TNR: variants seen among roughly 807,000 people sequenced by gnomAD.
The protein encoded by TNR is tenascin-R.
In TNR, 45 loss-of-function variants were observed where a neutral mutation model predicts 150.4. The observed-to-expected ratio is 0.30, with a 90% CI of 0.24 to 0.38. The LOEUF (loss-of-function observed/expected upper bound fraction) is 0.38. TNR is among the 10% of genes least tolerant of loss of function. The pLI is 1.00. For synonymous variants in TNR, 687 were observed against 678.4 expected, an observed-to-expected ratio of 1.01 and a Z score of -0.20; for missense variants, 1,544 against 1,759.1, an observed-to-expected ratio of 0.88 and a Z score of 2.19.
chr1:175,502,173 G>A (rs1483598769), intron 2 of TNR, among the ~76,000 whole-genome samples: 2 of 152,132 alleles, frequency 1.3e-5, no homozygotes, highest in East Asian at 1.9e-4. Context: ...TGTCTGGGGT[G>A]GGAGTCTAAC....
intron 1 of TNR, among the ~76,000 whole-genome samples, chr1:175,717,988 C>A (rs1405729140): frequency 6.6e-6 from 1 of 152,246 alleles, no homozygotes; most frequent in African/African-American, 2.4e-5. Context: ...TTGTGGTCTG[C>A]AGCTCTTAGT....
chr1:175,567,767 C>G (rs564699588), intron 1 of TNR, among the ~76,000 whole-genome samples: 18 of 152,146 alleles, frequency 1.2e-4, no homozygotes, highest in Non-Finnish European at 2.6e-4. Flanking sequence ...GCTTTCTAAG[C>G]ATGGCCCTCC....
intron 1 of TNR, among the ~76,000 whole-genome samples, chr1:175,642,928 C>G (rs1191830655): frequency 6.6e-6 from 1 of 152,104 alleles, no homozygotes; most frequent in African/African-American, 2.4e-5. Context: ...AACATCCTAT[C>G]TCTAAAACCA....
chr1:175,544,650 A>C (rs888960660), intron 1 of TNR, among the ~76,000 whole-genome samples: 7 of 152,228 alleles, frequency 4.6e-5, no homozygotes, highest in Admixed American at 2.6e-4. Flanking sequence ...ATGAGTACTC[A>C]AAGAATGGAT....
chr1:175,324,683 C>A (rs1649265983), intron 21 of TNR, among the ~76,000 whole-genome samples, 164 bp from the exon 22 acceptor site: 2 of 152,292 alleles, frequency 1.3e-5, no homozygotes, highest in South Asian at 4.1e-4. Context: ...CTCCACCTTA[C>A]CCCTGGGGCC....
chr1:175,460,488 C>T (rs1057390999), intron 2 of TNR, among the ~76,000 whole-genome samples: 6 of 151,970 alleles, frequency 3.9e-5, no homozygotes, highest in South Asian at 4.2e-4. Flanking sequence ...GGATGAACAC[C>T]GGACTCATGC....
intron 1 of TNR, among the ~76,000 whole-genome samples, chr1:175,720,620 AT>A (rs1163946289): frequency 6.6e-6 from 1 of 152,224 alleles, no homozygotes; most frequent in Non-Finnish European, 1.5e-5. Flanking sequence ...AAAAGGCATA[AT>A]GAGATAAGCA....
chr1:175,562,661 C>T (rs1661477649), intron 1 of TNR, among the ~76,000 whole-genome samples: 1 of 152,186 alleles, frequency 6.6e-6, no homozygotes, highest in Admixed American at 6.5e-5. Flanking sequence ...TGTGGTAGAA[C>T]AGCATGGCCA....
intron 1 of TNR, among the ~76,000 whole-genome samples, chr1:175,653,990 A>G (rs1665095581): frequency 6.6e-6 from 1 of 152,224 alleles, no homozygotes; most frequent in African/African-American, 2.4e-5. Flanking sequence ...CCTTAAGAAT[A>G]CTTTTTCTAC....
intron 1 of TNR, among the ~76,000 whole-genome samples, chr1:175,579,184 C>CCTTCCTTCCTTCCTTCCTTT: frequency 6.8e-6 from 1 of 146,202 alleles, no homozygotes; most frequent in African/African-American, 2.5e-5. Context: ...TTCCTTCCTT[C>CCTTCCTTCCTTCCTTCCTTT]CTTCCTTCCT....
At chr1:175,368,792 TACA>T (rs1651953292) in intron 9 of TNR, among the ~76,000 whole-genome samples, 1 of 152,048 alleles carries the variant, frequency 6.6e-6, no homozygotes, top group Non-Finnish European at 1.5e-5. Flanking sequence ...CTACTAAAAT[TACA>T]ACAATTAGCC....
chr1:175,673,822 T>C (rs562521259), intron 1 of TNR, among the ~76,000 whole-genome samples: 1 of 152,280 alleles, frequency 6.6e-6, no homozygotes, highest in Non-Finnish European at 1.5e-5. Flanking sequence ...AAGCAATCAG[T>C]GTATAGTTAT....
rs116729052 is a variant in TNR at position 175,715,650 on chromosome 1, G to C, written c.-165+27576C>G. On this transcript the variant is annotated intron_variant, in intron 1 of 22. Transcript: ENST00000367674. ...TGGTACCATGGGATGATGCTGGGAT[G>C]TCATAAGAGATGCTCTCATGGGGTC... Among the ~76,000 whole-genome samples, 1,046 of 152,328 alleles carry C rather than the reference G, an allele frequency of 6.9e-3. 15 individuals are homozygous for C. The highest frequency in any genetic ancestry group is 0.024 in the African/African-American group (991 of 41,578).
At chr1:175,432,069 C>G (rs979801064) in intron 2 of TNR, among the ~76,000 whole-genome samples, 1 of 151,976 alleles carries the variant, frequency 6.6e-6, no homozygotes, top group Non-Finnish European at 1.5e-5. Context: ...GGGAGGGGGC[C>G]AGGGATATGG....
At chr1:175,701,798 G>A (rs1370811155) in intron 1 of TNR, among the ~76,000 whole-genome samples, 1 of 152,218 alleles carries the variant, frequency 6.6e-6, no homozygotes, top group Non-Finnish European at 1.5e-5. Context: ...TAGAAATGCA[G>A]CCTCTGGGCC....
At chr1:175,602,203 CAAAAAAAAAAAAAAAA>C (rs57341654) in intron 1 of TNR, among the ~76,000 whole-genome samples, 6 of 30,532 alleles carry the variant, frequency 2.0e-4, no homozygotes, top group South Asian at 1.6e-3. Flanking sequence ...GGACCAAAGG[CAAAAAAAAAAAAAAAA>C]AAAAAAAAAA....
chr1:175,429,973 T>A (rs1489713718), intron 2 of TNR, among the ~76,000 whole-genome samples: 1 of 152,014 alleles, frequency 6.6e-6, no homozygotes, highest in Non-Finnish European at 1.5e-5. Context: ...CACAGTACTT[T>A]GTGCAACTTT....
chr1:175,438,370 G>T (rs1479965556), intron 2 of TNR, among the ~76,000 whole-genome samples: 2 of 152,150 alleles, frequency 1.3e-5, no homozygotes, highest in Non-Finnish European at 2.9e-5. Flanking sequence ...GTATTGATGG[G>T]ACGTATCTCA....
intron 2 of TNR, among the ~76,000 whole-genome samples, chr1:175,428,765 G>A (rs771112427): frequency 6.6e-6 from 1 of 152,102 alleles, no homozygotes; most frequent in Non-Finnish European, 1.5e-5. Context: ...TGTGCTGCAC[G>A]ATTCTCATTT....
Sources: allele counts gnomAD v4.1 joint callset (sites outside exome capture counted in the v4.1 genomes callset), GRCh38; gene constraint gnomAD v4.1.1; transcripts MANE v1.5; gene names NCBI Gene and HGNC (gene_info 2026-07-23, HGNC 2026-07-21).